PRRC2C: variants seen among roughly 807,000 people sequenced by gnomAD.
The protein encoded by PRRC2C is proline rich coiled-coil 2C.
Under a neutral mutation model 317.2 loss-of-function variants are expected in PRRC2C, and 72 were observed. The ratio of observed to expected loss-of-function variants is 0.23; its 90% confidence interval spans 0.19 to 0.28. The LOEUF is 0.28. PRRC2C is among the 10% of genes least tolerant of loss of function. PRRC2C has a pLI of 1.00. For synonymous variants in PRRC2C, 1,296 were observed against 1,205.9 expected (o/e 1.07, Z -1.55); for missense variants, 3,074 against 3,459.7 (o/e 0.89, Z 2.80).
chr1:171,494,653 C>T (rs544460888), intron 1 of PRRC2C, among the ~76,000 whole-genome samples: 5 of 152,216 alleles, frequency 3.3e-5, no homozygotes, highest in South Asian at 2.1e-4. Flanking sequence ...CACCCCTTAA[C>T]ATTCACAAAG....
intron 25 of PRRC2C, among the ~76,000 whole-genome samples, chr1:171,577,179 TATTA>T (rs1327178725): frequency 6.6e-6 from 1 of 152,238 alleles, no homozygotes; most frequent in African/African-American, 2.4e-5. Context: ...AGCCTCATTT[TATTA>T]ATTTTGTGTT....
At chr1:171,493,083 A>AG (rs1328342802) in intron 1 of PRRC2C, among the ~76,000 whole-genome samples, 2 of 143,574 alleles carry the variant, frequency 1.4e-5, no homozygotes, top group African/African-American at 2.6e-5. Flanking sequence ...AAAATAATAA[A>AG]AGAAGAGAAG....
At chr1:171,514,372 T>G (rs1017364058) in intron 3 of PRRC2C, among the ~76,000 whole-genome samples, 164 bp from the exon 4 acceptor site, 2 of 152,120 alleles carry the variant, frequency 1.3e-5, no homozygotes, top group African/African-American at 4.8e-5. Context: ...AAAATAGCCA[T>G]AATTCATTTA....
At chr1:171,551,312 G>A (rs1680203317) in intron 18 of PRRC2C, among the ~76,000 whole-genome samples, 1 of 152,098 alleles carries the variant, frequency 6.6e-6, no homozygotes, top group Admixed American at 6.5e-5. Context: ...TGATGGGGTT[G>A]TTTGATTTTT....
In PRRC2C at chr1:171,540,722, G is replaced by A; in HGVS notation, c.3256G>A (p.Ala1086Thr). 6.2e-7 allele frequency: 1 copy of A among 1,613,966 alleles called. No individual in the cohort carries two copies. Among genetic ancestry groups the A allele is most frequent in the Non-Finnish European group, 8.5e-7 (1 of 1,179,880 alleles). The part of the protein sequence containing the change: ...QSVPPPIQPE[A>T]EKFPSTETAT... ...AGTTCCACCACCAATTCAACCAGAA[G>A]CAGAGAAATTTCCTTCAACAGAAAC... Residue 1086 changes from alanine to threonine, a missense_variant, in exon 16 of 35, where the codon GCA (alanine) becomes ACA (threonine). Ala to Thr is a moderately conservative substitution (Grantham distance 58). Around this residue, in one of 11 missense-constraint regions of PRRC2C, gnomAD observed 1,320 missense variants for 1,395.7 expected, o/e 0.95. Coordinates refer to ENST00000647382, the MANE Select transcript of PRRC2C (RefSeq NM_001387844.1).
At chr1:171,521,700 C>A (rs1673605880) in intron 6 of PRRC2C, among the ~76,000 whole-genome samples, 1 of 152,184 alleles carries the variant, frequency 6.6e-6, no homozygotes, top group East Asian at 1.9e-4. Context: ...TCTGATTATT[C>A]TACTCCTGCT....
chr1:171,557,772 C>T lies in PRRC2C; in HGVS notation c.5660C>T (p.Ala1887Val), dbSNP rs1261337343. ...TPAPAASSPAAPVITAPTIPA... is the reference protein window; with the variant it reads ...TPAPAASSPAVPVITAPTIPA... The stretch of plus-strand genomic sequence containing the variant: ...GCCCCAGCAGCCTCTTCCCCAGCTG[C>T]CCCAGTCATCACAGCACCAACTATC... The change falls in exon 19 of 35, where the codon GCC (alanine) becomes GTC (valine). Residue 1887 changes from alanine (A) to valine (V), a missense_variant. Ala to Val is a moderately conservative substitution (Grantham distance 64). This residue lies in a region of PRRC2C where 640 missense variants were observed against 676.1 expected (regional missense o/e 0.95). Transcript: ENST00000647382. 6.4e-7 allele frequency: 1 copy of T among 1,550,846 alleles called. No individual in the cohort carries two copies. Among genetic ancestry groups the T allele is most frequent in the African/African-American group, 1.4e-5 (1 of 73,078 alleles).
chr1:171,592,048 C>T lies in PRRC2C; in HGVS notation c.*201C>T, dbSNP rs1651550834. The T allele has an allele frequency of 3.4e-6, 2 of 581,714 alleles. No individual in the cohort carries two copies. Among genetic ancestry groups the T allele is most frequent in the Non-Finnish European group, 5.8e-6 (2 of 344,594 alleles). The allele number at this position is 581,714 out of a possible 1,614,324, so 36.0% of individuals were successfully genotyped here. A position where few individuals can be genotyped will look rare whatever the true frequency, so the allele number is the denominator to read the frequency against. On this transcript the variant is annotated 3_prime_UTR_variant, in exon 35 of 35. Coordinates refer to ENST00000647382, the MANE Select transcript of PRRC2C (RefSeq NM_001387844.1). ...GAAAACGAGGCTTTGCAAGCTTGTA[C>T]CTACTATATAACATGTGCTTGGTTG...
At chr1:171,503,502 C>T (rs564102460) in intron 1 of PRRC2C, among the ~76,000 whole-genome samples, 14 of 150,368 alleles carry the variant, frequency 9.3e-5, no homozygotes, top group Admixed American at 9.3e-4. Context: ...CCAGCTTGAG[C>T]AACAGAGTGA....
At chr1:171,503,805 G>A (rs1322919348) in intron 1 of PRRC2C, among the ~76,000 whole-genome samples, 1 of 152,174 alleles carries the variant, frequency 6.6e-6, no homozygotes. Context: ...CATGGCTGGG[G>A]AGGCCTCACA....
chr1:171,535,972 T>C, intron 13 of PRRC2C, 57 bp from the exon 14 acceptor site: 1 of 1,530,942 alleles, frequency 6.5e-7, no homozygotes, highest in Non-Finnish European at 8.9e-7. Context: ...TATGATTGAT[T>C]ATGTTAATTT....
At chr1:171,561,726 T>G (rs1420134473) in intron 20 of PRRC2C, among the ~76,000 whole-genome samples, 1 of 152,244 alleles carries the variant, frequency 6.6e-6, no homozygotes, top group African/African-American at 2.4e-5. Flanking sequence ...TTTTCTGGAC[T>G]TTTCTCCCAT....
At chr1:171,576,140 A>G (rs1486994961) in intron 25 of PRRC2C, among the ~76,000 whole-genome samples, 2 of 152,124 alleles carry the variant, frequency 1.3e-5, no homozygotes, top group Non-Finnish European at 2.9e-5. Context: ...TCCACCACTC[A>G]TTTGCCAAGG....
intron 15 of PRRC2C, among the ~76,000 whole-genome samples, chr1:171,539,483 C>G (rs945023880): frequency 6.6e-6 from 1 of 152,168 alleles, no homozygotes; most frequent in Non-Finnish European, 1.5e-5. Context: ...CTTACCTTTA[C>G]CTATATTTCC....
intron 18 of PRRC2C, among the ~76,000 whole-genome samples, chr1:171,553,041 G>A (rs564300155): frequency 4.1e-4 from 62 of 152,198 alleles, no homozygotes; most frequent in Admixed American, 9.8e-4. Context: ...GAATGGTACC[G>A]GCTCCTCTTT....
intron 1 of PRRC2C, among the ~76,000 whole-genome samples, chr1:171,508,585 T>C (rs1670696028): frequency 6.6e-6 from 1 of 152,224 alleles, no homozygotes; most frequent in African/African-American, 2.4e-5. Flanking sequence ...GCTTGAGTGT[T>C]CTGCGATGGC....
chr1:171,571,831 C>T (rs1173013588), intron 24 of PRRC2C, among the ~76,000 whole-genome samples: 2 of 152,022 alleles, frequency 1.3e-5, no homozygotes, highest in Non-Finnish European at 2.9e-5. Context: ...TTTGTCTTCC[C>T]TGTAAGTTAT....
intron 2 of PRRC2C, chr1:171,512,565 G>A (rs2294289): frequency 0.82 from 216,471 of 264,944 alleles, 88,832 homozygotes; most frequent in Middle Eastern, 0.9. Flanking sequence ...TGTTTCGTGT[G>A]TGGGGGTGTG....
chr1:171,527,608 T>G (rs1178355586), intron 10 of PRRC2C, among the ~76,000 whole-genome samples, 183 bp from the exon 11 acceptor site: 4 of 151,996 alleles, frequency 2.6e-5, no homozygotes, highest in Admixed American at 2.6e-4. Flanking sequence ...AATGCAAAAT[T>G]ACCCAGTTGT....
Sources: allele counts gnomAD v4.1 joint callset (sites outside exome capture counted in the v4.1 genomes callset), GRCh38; gene constraint gnomAD v4.1.1; regional missense constraint gnomAD v4.1.1; transcripts MANE v1.5; gene names NCBI Gene and HGNC (gene_info 2026-07-23, HGNC 2026-07-21).